The following BRIP1 variants were observed in gnomAD, a reference collection of about 807,000 sequenced individuals.
The protein encoded by BRIP1 is Fanconi anemia group J protein.
Under a neutral mutation model 119.7 loss-of-function variants are expected in BRIP1, and 88 were observed. The ratio of observed to expected loss-of-function variants is 0.74; its 90% CI spans 0.62 to 0.88. The LOEUF (loss-of-function observed/expected upper bound fraction) is 0.88, where lower values mean the gene tolerates loss of function less well. BRIP1 is among the 40% of genes least tolerant of loss of function. The pLI is 0.00. For synonymous variants in BRIP1, 443 were observed against 496.5 expected (o/e 0.89, Z 1.43); for missense variants, 1,259 against 1,455.4 (o/e 0.87, Z 2.20).
rs557284542 is a variant in BRIP1, at chr17:61,721,103, A to G, written c.2380-5040T>C. On this transcript the variant is annotated intron_variant, in intron 16 of 19. Transcript: ENST00000259008. Reference sequence around the variant, plus strand: ...GTGATCCACCTGCATTGGCCTCCCAAAATGCTGGGATTACAGGCGTGAGCC... The same window carrying G: ...GTGATCCACCTGCATTGGCCTCCCAGAATGCTGGGATTACAGGCGTGAGCC... Among the ~76,000 whole-genome samples the G allele has an allele frequency of 4.7e-3, 722 of 152,242 alleles. 6 individuals carry two copies. The highest frequency in any genetic ancestry group is 0.016 in the African/African-American group (684 of 41,534).
intron 17 of BRIP1, among the ~76,000 whole-genome samples, chr17:61,712,527 T>G (rs929421825): frequency 6.6e-6 from 1 of 152,136 alleles, no homozygotes; most frequent in Non-Finnish European, 1.5e-5. Flanking sequence ...CCTGTTTCTA[T>G]GAATTATCCA....
rs1156417417 is a variant in BRIP1, at chr17:61,852,335, T to C, written c.380-3079A>G. ...AAAGAAAGAAGATATCTCCCGATTA[T>C]GTTTTTTTAAAATCTTCAAGAAACC... On this transcript the variant is annotated intron_variant, in intron 4 of 19. Transcript: ENST00000259008. The surrounding 1 kb of genome is among the most constrained non-coding windows in gnomAD (Gnocchi z 4.9). Among the ~76,000 whole-genome samples, 2 of 152,166 alleles carry C rather than the reference T, an allele frequency of 1.3e-5. No homozygotes were observed. Among genetic ancestry groups the C allele is most frequent in the Non-Finnish European group, 2.9e-5 (2 of 68,034 alleles).
At position 61,683,607 on chromosome 17, in the gene BRIP1, T is replaced by C. The variant is rs1258403817; in HGVS notation, c.3439A>G (p.Asn1147Asp). The change falls in exon 20 of 20, where the codon AAT becomes GAT. Residue 1147 changes from asparagine to aspartate, a missense_variant. By Grantham distance (23) the Asn-to-Asp change is conservative. Coordinates refer to ENST00000259008, the MANE Select transcript of BRIP1 (RefSeq NM_032043.3). This position sits in a 1 kb window ranked among gnomAD's most constrained non-coding sequence, Gnocchi z 4.7. ...YDPEDTDEEK[N>D]DLAETDRGNR... is the part of the protein sequence containing the mutation. Reference sequence around the variant, plus strand: ...CCTCTATCAGTTTCAGCTAGGTCATTTTTTTCTTCATCTGTATCTTCAGGA... The same window carrying C: ...CCTCTATCAGTTTCAGCTAGGTCATCTTTTTCTTCATCTGTATCTTCAGGA... 2 of 1,612,270 alleles carry C rather than the reference T, an allele frequency of 1.2e-6. No individual in the cohort carries two copies. The highest frequency in any genetic ancestry group is 2.7e-5 in the African/African-American group (2 of 74,988).
Position 61,689,744 on chromosome 17 carries a change from C to T in BRIP1, c.2576-3579G>A, listed in dbSNP as rs919038580. Among the ~76,000 whole-genome samples the T allele has an allele frequency of 6.6e-6, 1 of 152,202 alleles. No individual in the cohort carries two copies. Among genetic ancestry groups the T allele is most frequent in the Non-Finnish European group, 1.5e-5 (1 of 68,034 alleles). On this transcript the variant is annotated intron_variant, in intron 18 of 19. Transcript: ENST00000259008. The surrounding 1 kb of genome is among the most constrained non-coding windows in gnomAD (Gnocchi z 4.5). ...ACAGTCACTAGGCCGGGCATGAAGG[C>T]TCATGCCTATAATCCCAACACTTTG... is the stretch of plus-strand genomic sequence containing the variant.
Position 61,809,583 on chromosome 17 carries a change from A to C in BRIP1, c.628-826T>G, listed in dbSNP as rs2078130946. ...TTTCCAAATTCTCAAATACTAAAAA[A>C]AAAAGTTTAATGCTATATATTAGAA... On this transcript the variant is annotated intron_variant, in intron 6 of 19. Coordinates refer to ENST00000259008, the MANE Select transcript of BRIP1 (RefSeq NM_032043.3). The surrounding 1 kb of genome is among the most constrained non-coding windows in gnomAD (Gnocchi z 5.2). 6.6e-6 allele frequency among the ~76,000 whole-genome samples: 1 copy of C among 152,218 alleles called. No individual in the cohort carries two copies. The highest frequency in any genetic ancestry group is 1.5e-5 in the Non-Finnish European group (1 of 68,036).
At chr17:61,685,095 A>G (rs2061341165) in intron 19 of BRIP1, 1 of 152,236 alleles carries the variant, frequency 6.6e-6, no homozygotes, top group Admixed American at 6.5e-5. Flanking sequence ...AGATAGTAAT[A>G]TTTAGGCTTT....
Position 61,780,164 on chromosome 17 carries a change from T to C in BRIP1, c.1935+97A>G. The C allele has an allele frequency of 1.5e-6, 2 of 1,311,558 alleles. No homozygotes were observed. The highest frequency in any genetic ancestry group is 1.1e-6 in the Non-Finnish European group (1 of 926,904). 81.2% of individuals were successfully genotyped at this position (1,311,558 alleles called of 1,614,324 possible). ...GGAATGTTGAATTTCCTACCAAGATTTACTTGCTGGCACTTCAGGTATCTT... is the reference window on the plus strand; with the variant it reads ...GGAATGTTGAATTTCCTACCAAGATCTACTTGCTGGCACTTCAGGTATCTT... On this transcript the variant is annotated intron_variant, in intron 13 of 19. Transcript: ENST00000259008. This position sits in a 1 kb window ranked among gnomAD's most constrained non-coding sequence, Gnocchi z 5.4.
rs1158003229 is a variant in BRIP1, at chr17:61,857,977, C to T, written c.206-746G>A. 6.6e-6 allele frequency among the ~76,000 whole-genome samples: 1 copy of T among 152,110 alleles called. No homozygotes were observed. The highest frequency in any genetic ancestry group is 1.5e-5 in the Non-Finnish European group (1 of 68,008). On this transcript the variant is annotated intron_variant, in intron 3 of 19. Transcript: ENST00000259008. The surrounding 1 kb of genome is among the most constrained non-coding windows in gnomAD (Gnocchi z 5.1). ...ATAATCTAACACATAAGGGTTAAAT[C>T]ATTCCCCCAATTATACTTCTATTTC...
At chr17:61,829,793 A>G (rs557300141) in intron 6 of BRIP1, among the ~76,000 whole-genome samples, 158 of 152,176 alleles carry the variant, frequency 1.0e-3, no homozygotes, top group Non-Finnish European at 1.6e-3. Flanking sequence ...GGGAAATCAG[A>G]AAAAAATGTA....
In BRIP1 at chr17:61,704,631, G is replaced by T. The variant is rs866173110; in HGVS notation, c.2493-11119C>A. Among the ~76,000 whole-genome samples the T allele has an allele frequency of 6.6e-6, 1 of 151,944 alleles. No homozygotes were observed. The highest frequency in any genetic ancestry group is 1.5e-5 in the Non-Finnish European group (1 of 67,962). On this transcript the variant is annotated intron_variant, in intron 17 of 19. Coordinates refer to ENST00000259008, the MANE Select transcript of BRIP1 (RefSeq NM_032043.3). This position sits in a 1 kb window ranked among gnomAD's most constrained non-coding sequence, Gnocchi z 5.7. Reference sequence around the variant, plus strand: ...AATTTTTTAGAAGGCTTTTAACTATGAATTCTATTTATTTGCTAGATAGCT... The same window carrying T: ...AATTTTTTAGAAGGCTTTTAACTATTAATTCTATTTATTTGCTAGATAGCT...
Position 61,834,981 on chromosome 17 carries a change from G to A in BRIP1, c.627+12120C>T, listed in dbSNP as rs1344266521. Among the ~76,000 whole-genome samples the A allele has an allele frequency of 6.6e-6, 1 of 152,224 alleles. No homozygotes were observed. Among genetic ancestry groups the A allele is most frequent in the East Asian group, 1.9e-4 (1 of 5,202 alleles). ...GTTACAGCAACAGATAACATTGCAT[G>A]TGTGTGTGCACGCACATGTGCGCAC... On this transcript the variant is annotated intron_variant, in intron 6 of 19. Coordinates refer to ENST00000259008, the MANE Select transcript of BRIP1 (RefSeq NM_032043.3). This position sits in a 1 kb window ranked among gnomAD's most constrained non-coding sequence, Gnocchi z 4.4.
In BRIP1 at chr17:61,810,662, A is replaced by T. The variant is rs1337606143; in HGVS notation, c.628-1905T>A. ...CTGGGAAAACTTACTTTTTGATGTT[A>T]CACTTTTCAACATCAATTCCACTTA... On this transcript the variant is annotated intron_variant, in intron 6 of 19. Coordinates refer to ENST00000259008, the MANE Select transcript of BRIP1 (RefSeq NM_032043.3). The surrounding 1 kb of genome is among the most constrained non-coding windows in gnomAD (Gnocchi z 4.7). Among the ~76,000 whole-genome samples the T allele has an allele frequency of 2.0e-5, 3 of 152,198 alleles. No homozygotes were observed. The highest frequency in any genetic ancestry group is 7.2e-5 in the African/African-American group (3 of 41,448).
At chr17:61,838,818 A>C (rs1228878248) in intron 6 of BRIP1, among the ~76,000 whole-genome samples, 1 of 151,966 alleles carries the variant, frequency 6.6e-6, no homozygotes, top group Admixed American at 6.5e-5. Context: ...GCATAAGAAA[A>C]GTTCTAATAT....
At position 61,768,115 on chromosome 17, in the gene BRIP1, C is replaced by T. The variant is rs1459190492; in HGVS notation, c.2097+8286G>A. 1.3e-5 allele frequency among the ~76,000 whole-genome samples: 2 copies of T among 152,136 alleles called. No individual in the cohort carries two copies. The highest frequency in any genetic ancestry group is 4.8e-5 in the African/African-American group (2 of 41,436). The stretch of plus-strand genomic sequence containing the variant: ...TGAAATCTTCTTGAAGAGACAGTAA[C>T]TTGTTTATTTTTGAATCTTTAACAG... On this transcript the variant is annotated intron_variant, in intron 14 of 19. Transcript: ENST00000259008. The surrounding 1 kb of genome is among the most constrained non-coding windows in gnomAD (Gnocchi z 5.0).
chr17:61,718,769 T>A (rs1302937581), intron 16 of BRIP1, among the ~76,000 whole-genome samples: 1 of 152,240 alleles, frequency 6.6e-6, no homozygotes, highest in Non-Finnish European at 1.5e-5. Flanking sequence ...AATGGTACAG[T>A]TGTCCCTTGG....
rs920087578 is a variant in BRIP1, at chr17:61,802,058, A to G, written c.919-584T>C. ...TTCAGGAGTACCAAAAAAAGCCTAAATTATCCATAATTCTATTACACAAAG... is the reference window on the plus strand; with the variant it reads ...TTCAGGAGTACCAAAAAAAGCCTAAGTTATCCATAATTCTATTACACAAAG... On this transcript the variant is annotated intron_variant, in intron 7 of 19. Coordinates refer to ENST00000259008, the MANE Select transcript of BRIP1 (RefSeq NM_032043.3). The surrounding 1 kb of genome is among the most constrained non-coding windows in gnomAD (Gnocchi z 6.0). Among the ~76,000 whole-genome samples the G allele has an allele frequency of 2.0e-5, 3 of 152,204 alleles. No individual in the cohort carries two copies. Among genetic ancestry groups the G allele is most frequent in the Non-Finnish European group, 4.4e-5 (3 of 68,038 alleles).
intron 16 of BRIP1, among the ~76,000 whole-genome samples, chr17:61,731,913 TAA>T (rs11368734): frequency 7.2e-6 from 1 of 138,392 alleles, no homozygotes; most frequent in Non-Finnish European, 1.5e-5. Context: ...AGCCAGATAT[TAA>T]AAAAAAAAAA....
chr17:61,816,734 C>A lies in BRIP1; in HGVS notation c.628-7977G>T, dbSNP rs2145492215. Among the ~76,000 whole-genome samples, 1 of 126,684 alleles carries A rather than the reference C, an allele frequency of 7.9e-6. No homozygotes were observed. Among genetic ancestry groups the A allele is most frequent in the South Asian group, 2.8e-4 (1 of 3,610 alleles). 83.1% of individuals were successfully genotyped at this position (126,684 alleles called of 152,430 possible). On this transcript the variant is annotated intron_variant, in intron 6 of 19. Coordinates refer to ENST00000259008, the MANE Select transcript of BRIP1 (RefSeq NM_032043.3). The surrounding 1 kb of genome is among the most constrained non-coding windows in gnomAD (Gnocchi z 5.0). ...ACCGATCAACTTCATGAGAAAAACC[C>A]AGGGTGTTTATAAAAAATAAAAAGG...
rs1390405057 is a variant in BRIP1 at position 61,799,023 on chromosome 17, T to G, written c.1340+77A>C. The G allele has an allele frequency of 5.6e-6, 8 of 1,416,800 alleles. No individual in the cohort carries two copies. Among genetic ancestry groups the G allele is most frequent in the African/African-American group, 1.4e-5 (1 of 70,862 alleles). The allele number at this position is 1,416,800 out of a possible 1,614,324, so 87.8% of individuals were successfully genotyped here. On this transcript the variant is annotated intron_variant, in intron 9 of 19. Coordinates refer to ENST00000259008, the MANE Select transcript of BRIP1 (RefSeq NM_032043.3). This position sits in a 1 kb window ranked among gnomAD's most constrained non-coding sequence, Gnocchi z 5.1. Reference sequence around the variant, plus strand: ...GCCTAGTTAACCAAAGTTTACTAACTTTAAATACTCTGGCATAATCAAACA... The same window carrying G: ...GCCTAGTTAACCAAAGTTTACTAACGTTAAATACTCTGGCATAATCAAACA...
Sources: gnomAD v4.1 joint callset for allele counts (sites outside exome capture counted in the v4.1 genomes callset) on GRCh38, gnomAD v4.1.1 for gene constraint, Gnocchi (gnomAD v3.1) non-coding constraint, MANE v1.5 for transcripts, NCBI Gene and HGNC (gene_info 2026-07-23, HGNC 2026-07-21) for gene names.